TENT5D: variants seen among roughly 807,000 people sequenced by gnomAD.
TENT5D encodes cancer/testis antigen 112.
For missense variants in TENT5D, 191 were observed against 287.0 expected (o/e 0.67, Z 2.42); for synonymous variants, 103 against 100.6 (o/e 1.02, Z -0.15).
intron 3 of TENT5D, among the ~76,000 whole-genome samples, chrX:80,356,913 C>G (rs1204468166): frequency 9.0e-6 from 1 of 110,701 alleles, no homozygotes; most frequent in Admixed American, 9.6e-5. Flanking sequence ...CCTCCCCGCT[C>G]CTCCCACCCC....
Position 80,349,474 on chromosome X carries a change from A to T in TENT5D, c.-142+6910A>T, listed in dbSNP as rs180677551. On this transcript the variant is annotated intron_variant, in intron 3 of 4. Transcript: ENST00000538312. ...GGTGTGTATAGTATTATCTGATGGT[A>T]GTTTGTATTACTGTGGGATCAATGG... 9.0e-5 allele frequency among the ~76,000 whole-genome samples: 10 copies of T among 111,113 alleles called. 1 individual carries two copies. In the East Asian group the frequency reaches 2.6e-3, roughly 28 times the overall value.
At chrX:80,440,190 G>T (rs1264353073) in intron 2 of TENT5D, among the ~76,000 whole-genome samples, 1 of 111,685 alleles carries the variant, frequency 9.0e-6, no homozygotes, top group Non-Finnish European at 1.9e-5. Flanking sequence ...AGACTAGAAT[G>T]TTTGGAAATC....
chrX:80,421,687 T>G (rs934254076), intron 1 of TENT5D, among the ~76,000 whole-genome samples: 1 of 112,036 alleles, frequency 8.9e-6, no homozygotes, highest in Non-Finnish European at 1.9e-5. Context: ...TCATTCACCC[T>G]TTTTCTCCTA....
intron 3 of TENT5D, among the ~76,000 whole-genome samples, chrX:80,352,720 C>CAAAAAAAAAAAAAAAAAAAAAAAAA (rs1189877322): frequency 5.0e-5 from 1 of 19,915 alleles, no homozygotes; most frequent in Admixed American, 6.1e-4. Context: ...AGCAAACAAA[C>CAAAAAAAAAAAAAAAAAAAAAAAAA]AAAAAAAAAA....
upstream of TENT5D, chrX:80,420,347 C>A (rs1193867241): frequency 2.7e-5 from 3 of 109,266 alleles, no homozygotes; most frequent in African/African-American, 6.7e-5. Flanking sequence ...CTCAGAATTG[C>A]CCTATTTAAA....
upstream of TENT5D, among the ~76,000 whole-genome samples, chrX:80,416,365 TCCTCTTTACGTTATGTTAGTTGG>T (rs1931778449): frequency 9.2e-6 from 1 of 108,193 alleles, no homozygotes. Context: ...TTTTTATTTT[TCCTCTTTACGTTATGTTAGTTGG>T]TTTTTTTTTT....
At chrX:80,443,906 C>T in exon 3 of TENT5D, 1 of 365,923 alleles carries the variant, frequency 2.7e-6, no homozygotes, top group Non-Finnish European at 4.8e-6. Flanking sequence ...TATAAACCAA[C>T]CACTTTAAAT....
chrX:80,413,386 A>T (rs1264856282), intron 3 of TENT5D, among the ~76,000 whole-genome samples: 10 of 112,030 alleles, frequency 8.9e-5, no homozygotes, highest in Admixed American at 1.9e-4. Context: ...GATTCATAAG[A>T]CATGGTTTTG....
At chrX:80,364,114 A>G (rs910121807) in intron 3 of TENT5D, among the ~76,000 whole-genome samples, 2 of 112,186 alleles carry the variant, frequency 1.8e-5, no homozygotes, top group South Asian at 7.3e-4. Flanking sequence ...CAACATCTAT[A>G]TACAAATTAC....
In TENT5D at chrX:80,367,573, C is replaced by G. The variant is rs755507800; in HGVS notation, c.-142+25009C>G. ...TTGTTGTAGCACTGTTCACAATAGC[C>G]AAAATTTGGAAGCAACCTAAGTGTC... On this transcript the variant is annotated intron_variant, in intron 3 of 4. Coordinates refer to the TENT5D transcript ENST00000538312. 4.5e-5 allele frequency among the ~76,000 whole-genome samples: 5 copies of G among 111,226 alleles called. No homozygotes were observed. The South Asian group carries it at 1.5e-3, about 34-fold the overall frequency.
intron 3 of TENT5D, among the ~76,000 whole-genome samples, chrX:80,396,861 C>T (rs868517707): frequency 2.0e-3 from 190 of 93,899 alleles, no homozygotes; most frequent in Middle Eastern, 5.3e-3. Flanking sequence ...CGGGCAGAGG[C>T]GCCCCTCACC....
chrX:80,406,010 G>C (rs1458953427), intron 3 of TENT5D, among the ~76,000 whole-genome samples: 3 of 107,397 alleles, frequency 2.8e-5, no homozygotes, highest in Non-Finnish European at 5.8e-5. Context: ...CACACGGCAG[G>C]GTATTCCAAC....
chrX:80,403,968 T>C (rs1452613983), intron 3 of TENT5D, among the ~76,000 whole-genome samples: 1 of 111,597 alleles, frequency 9.0e-6, no homozygotes, highest in Admixed American at 9.6e-5. Flanking sequence ...ATATGTACGA[T>C]GTACATTGGT....
intron 3 of TENT5D, among the ~76,000 whole-genome samples, chrX:80,389,903 A>C (rs1931093560): frequency 8.9e-6 from 1 of 112,045 alleles, no homozygotes; most frequent in Admixed American, 9.5e-5. Flanking sequence ...TGAGAATGGA[A>C]GAAATAACAG....
At chrX:80,385,776 A>T (rs1215466206) in intron 3 of TENT5D, among the ~76,000 whole-genome samples, 1 of 112,544 alleles carries the variant, frequency 8.9e-6, no homozygotes, top group Non-Finnish European at 1.9e-5. Context: ...ATGAACAGAC[A>T]CTTCTCAAAA....
At chrX:80,439,898 T>G (rs979647873) in intron 2 of TENT5D, among the ~76,000 whole-genome samples, 1 of 110,946 alleles carries the variant, frequency 9.0e-6, no homozygotes, top group Admixed American at 9.7e-5. Flanking sequence ...GTAGAGGTAG[T>G]TAGTGACATG....
chrX:80,397,951 G>A (rs1380945884), intron 3 of TENT5D, among the ~76,000 whole-genome samples: 2 of 108,057 alleles, frequency 1.9e-5, no homozygotes, highest in Non-Finnish European at 4.0e-5. Context: ...GTGGGAGAGG[G>A]CGAGGGAGGG....
exon 1 of TENT5D, chrX:80,335,505 C>CG (rs1929829582): frequency 8.9e-6 from 1 of 112,016 alleles, no homozygotes; most frequent in African/African-American, 3.2e-5. Flanking sequence ...CAAGAGGTTA[C>CG]GCGCCCCAGC....
At chrX:80,352,221 G>A (rs1445497466) in intron 3 of TENT5D, among the ~76,000 whole-genome samples, 1 of 112,047 alleles carries the variant, frequency 8.9e-6, no homozygotes, top group African/African-American at 3.2e-5. Context: ...TTTCTTCAGA[G>A]CTGGCAGGCA....
Sources: allele counts gnomAD v4.1 joint callset (sites outside exome capture counted in the v4.1 genomes callset), GRCh38; gene constraint gnomAD v4.1.1; transcripts MANE v1.5; gene names NCBI Gene and HGNC (gene_info 2026-07-23, HGNC 2026-07-21).